The following DNAH7 variants were observed in gnomAD, a reference collection of about 807,000 sequenced individuals.
DNAH7 encodes the protein dynein axonemal heavy chain 7.
In DNAH7, 397 loss-of-function variants were observed where a neutral mutation model predicts 444.6. The observed-to-expected ratio is 0.89, with a 90% CI of 0.82 to 0.97. The LOEUF (loss-of-function observed/expected upper bound fraction) is 0.97. DNAH7 is among the 50% of genes least tolerant of loss of function. The pLI is 0.00. For missense variants in DNAH7, 4,902 were observed against 4,800.8 expected (o/e 1.02, Z -0.62); for synonymous variants, 1,636 against 1,624.4 (o/e 1.01, Z -0.17).
chr2:195,972,025 T>C (rs542955637), intron 16 of DNAH7, among the ~76,000 whole-genome samples: 16 of 152,282 alleles, frequency 1.1e-4, no homozygotes, highest in Admixed American at 5.2e-4. Context: ...TGACTGCATA[T>C]TGATCAATAT....
chr2:196,014,015 C>G (rs764941686), intron 9 of DNAH7, among the ~76,000 whole-genome samples: 1 of 152,088 alleles, frequency 6.6e-6, no homozygotes, highest in Non-Finnish European at 1.5e-5. Context: ...AAACAGAATT[C>G]GAGGCATAGA....
intron 5 of DNAH7, among the ~76,000 whole-genome samples, chr2:196,045,755 C>T (rs1327586653): frequency 6.6e-6 from 1 of 151,540 alleles, no homozygotes; most frequent in Non-Finnish European, 1.5e-5. Context: ...ATTAAAAGAA[C>T]AGAAATATAT....
At chr2:195,974,287 A>G (rs951491854) in intron 15 of DNAH7, among the ~76,000 whole-genome samples, 2 of 152,340 alleles carry the variant, frequency 1.3e-5, no homozygotes, top group Admixed American at 6.5e-5. Context: ...AACTGAAAAT[A>G]TATTTTTGAT....
intron 3 of DNAH7, among the ~76,000 whole-genome samples, chr2:196,049,357 T>C (rs1486691236): frequency 6.6e-6 from 1 of 152,160 alleles, no homozygotes; most frequent in African/African-American, 2.4e-5. Context: ...TCAACTCTCG[T>C]CTTGCTCCAT....
At chr2:195,917,910 C>A (rs1007558172) in intron 24 of DNAH7, among the ~76,000 whole-genome samples, 1 of 152,122 alleles carries the variant, frequency 6.6e-6, no homozygotes, top group Non-Finnish European at 1.5e-5. Flanking sequence ...GTCAAGTGAT[C>A]CTCCTCCCTT....
At chr2:195,922,040 G>C (rs1688056561) in intron 24 of DNAH7, 48 bp downstream of exon 24, 1 of 1,052,022 alleles carries the variant, frequency 9.5e-7, no homozygotes, top group South Asian at 1.3e-5. Flanking sequence ...AGTGGTACAG[G>C]GGTGAGTGAA....
intron 55 of DNAH7, among the ~76,000 whole-genome samples, chr2:195,798,537 ATT>A (rs754058331): frequency 1.6e-4 from 17 of 107,466 alleles, no homozygotes; most frequent in African/African-American, 4.2e-4. Context: ...AAATAGTAGA[ATT>A]TTTTTTTTTT....
intron 25 of DNAH7, 58 bp downstream of exon 25, chr2:195,909,969 T>A: frequency 6.7e-7 from 1 of 1,481,800 alleles, no homozygotes; most frequent in South Asian, 1.3e-5. Flanking sequence ...TGTTGCATCA[T>A]AAATAACCAT....
chr2:196,028,565 G>A (rs1053990018), intron 5 of DNAH7, among the ~76,000 whole-genome samples: 4 of 152,166 alleles, frequency 2.6e-5, no homozygotes, highest in Non-Finnish European at 5.9e-5. Context: ...TATTGGGTAT[G>A]TGTTCATATA....
At chr2:195,979,013 C>T (rs1385841479) in intron 15 of DNAH7, among the ~76,000 whole-genome samples, 1 of 151,906 alleles carries the variant, frequency 6.6e-6, no homozygotes, top group Non-Finnish European at 1.5e-5. Context: ...TCATACAAAA[C>T]ATGTCATACA....
At position 195,987,121 on chromosome 2, in the gene DNAH7, T is replaced by C; in HGVS notation, c.1699A>G (p.Ile567Val). 6.2e-7 allele frequency: 1 copy of C among 1,609,144 alleles called. No homozygotes were observed. Among genetic ancestry groups the C allele is most frequent in the Non-Finnish European group, 8.5e-7 (1 of 1,178,206 alleles). Reference sequence around the variant, plus strand: ...ATTTTAGCTAGAAGTTTCCCACAAATAATATCTGCTCGCTTCACCAAAGCT... The same window carrying C: ...ATTTTAGCTAGAAGTTTCCCACAAACAATATCTGCTCGCTTCACCAAAGCT... ...IRALVKRADI[I>V]CGKLLAKMFR... is the part of the protein sequence containing the mutation. Residue 567 changes from isoleucine (I) to valine (V), a missense_variant, in exon 14 of 65, where the codon ATT becomes GTT. Coordinates refer to ENST00000312428, the MANE Select transcript of DNAH7 (RefSeq NM_018897.3).
At chr2:195,797,743 T>A (rs567299527) in intron 55 of DNAH7, among the ~76,000 whole-genome samples, 40 of 152,330 alleles carry the variant, frequency 2.6e-4, no homozygotes, top group Non-Finnish European at 4.7e-4. Context: ...CCAACTAGGA[T>A]GAACTTTATA....
chr2:195,984,554 G>C, intron 15 of DNAH7, 78 bp downstream of exon 15: 1 of 1,367,168 alleles, frequency 7.3e-7, no homozygotes, highest in Non-Finnish European at 1.0e-6. Flanking sequence ...TTAACTTTTC[G>C]AGTGATTTGT....
intron 46 of DNAH7, among the ~76,000 whole-genome samples, chr2:195,852,729 G>A (rs986129617): frequency 6.6e-6 from 1 of 152,156 alleles, no homozygotes; most frequent in Non-Finnish European, 1.5e-5. Flanking sequence ...AGTCAGAGAG[G>A]TGGGAGGCAA....
At position 195,960,824 on chromosome 2, in the gene DNAH7, A is replaced by G. The variant is rs749578486; in HGVS notation, c.2327T>C (p.Phe776Ser). ...YLRLYETAVE[F>S]SSNYRAWTEG... ...TGTCCATGCTCTATAGTTGCTGCTA[A>G]ATTCGACAGCAGTTTCATAAAGACG... Residue 776 changes from phenylalanine to serine, a missense_variant, in exon 18 of 65, where the codon TTT (phenylalanine) becomes TCT (serine). Transcript: ENST00000312428. 9 of 1,614,022 alleles carry G rather than the reference A, an allele frequency of 5.6e-6. No individual in the cohort carries two copies. Among genetic ancestry groups the G allele is most frequent in the Non-Finnish European group, 7.6e-6 (9 of 1,180,040 alleles).
At chr2:195,784,714 G>A (rs1695528941) in intron 58 of DNAH7, among the ~76,000 whole-genome samples, 1 of 152,188 alleles carries the variant, frequency 6.6e-6, no homozygotes, top group African/African-American at 2.4e-5. Context: ...AGCAATTAAT[G>A]AGAGTTCCTG....
chr2:195,805,019 C>A (rs1696642313), intron 54 of DNAH7, among the ~76,000 whole-genome samples: 1 of 152,086 alleles, frequency 6.6e-6, no homozygotes, highest in South Asian at 2.1e-4. Context: ...CTGTCCCCCA[C>A]CAAAAAAACC....
intron 41 of DNAH7, 140 bp from the exon 42 acceptor site, chr2:195,862,086 A>T (rs991114192): frequency 1.5e-6 from 1 of 682,326 alleles, no homozygotes; most frequent in African/African-American, 1.8e-5. Flanking sequence ...CAATTTCATA[A>T]GAAACTTTCC....
chr2:195,842,393 G>A (rs141690916), intron 47 of DNAH7, among the ~76,000 whole-genome samples: 23 of 152,152 alleles, frequency 1.5e-4, no homozygotes, highest in Non-Finnish European at 3.1e-4. Flanking sequence ...CTTAGCACAG[G>A]ATTAGGTCCT....
Sources: allele counts gnomAD v4.1 joint callset (sites outside exome capture counted in the v4.1 genomes callset), GRCh38; gene constraint gnomAD v4.1.1; transcripts MANE v1.5; gene names NCBI Gene and HGNC (gene_info 2026-07-23, HGNC 2026-07-21).